DACH1: variants seen among roughly 807,000 people sequenced by gnomAD.
DACH1 encodes dachshund family transcription factor 1.
In DACH1, 12 loss-of-function variants were observed where a neutral mutation model predicts 54.2. That is an observed-to-expected ratio of 0.22 (90% CI 0.14 to 0.36). The LOEUF (loss-of-function observed/expected upper bound fraction) is 0.36, where lower values mean the gene tolerates loss of function less well. Ranked by LOEUF, DACH1 falls within the 10% of genes least tolerant of loss-of-function variation. The pLI is 1.00. For missense variants in DACH1, 805 were observed against 929.8 expected, an observed-to-expected ratio of 0.87 and a Z score of 1.75; for synonymous variants, 386 against 366.2, an observed-to-expected ratio of 1.05 and a Z score of -0.62.
chr13:71,779,565 A>G (rs556932229), intron 1 of DACH1, among the ~76,000 whole-genome samples: 72 of 152,160 alleles, frequency 4.7e-4, no homozygotes, highest in Non-Finnish European at 9.4e-4. Context: ...ATTTAATAAA[A>G]TGAGTGACTT....
intron 3 of DACH1, among the ~76,000 whole-genome samples, chr13:71,581,409 A>G (rs1872841940): frequency 6.6e-6 from 1 of 152,028 alleles, no homozygotes; most frequent in Admixed American, 6.6e-5. Context: ...ACTACAGCAC[A>G]CGCCACCATG....
intron 1 of DACH1, among the ~76,000 whole-genome samples, chr13:71,727,438 G>T (rs185053903): frequency 4.6e-5 from 7 of 151,988 alleles, no homozygotes; most frequent in Middle Eastern, 3.4e-3. Context: ...CTATTATTTC[G>T]CCTGTCTTCA....
chr13:71,493,675 AT>A (rs754644658), intron 6 of DACH1, among the ~76,000 whole-genome samples: 45 of 152,268 alleles, frequency 3.0e-4, no homozygotes, highest in African/African-American at 3.6e-4. Flanking sequence ...TTACAAAAAA[AT>A]ATCAGGTTAA....
intron 10 of DACH1, among the ~76,000 whole-genome samples, chr13:71,449,686 T>C (rs1391850738): frequency 1.3e-5 from 2 of 152,150 alleles, no homozygotes; most frequent in Non-Finnish European, 2.9e-5. Context: ...GAGCTTAAAG[T>C]AAACGAATTT....
chr13:71,650,701 C>T (rs752212603), intron 2 of DACH1, among the ~76,000 whole-genome samples: 40 of 151,942 alleles, frequency 2.6e-4, no homozygotes, highest in Non-Finnish European at 3.7e-4. Context: ...TCTATTTTCC[C>T]GAATTCTAAT....
At chr13:71,732,615 G>A (rs914803481) in intron 1 of DACH1, among the ~76,000 whole-genome samples, 1 of 150,732 alleles carries the variant, frequency 6.6e-6, no homozygotes, top group African/African-American at 2.4e-5. Context: ...TCACCAATTG[G>A]GTCCCTCTTC....
chr13:71,581,079 T>C (rs1438701505), intron 3 of DACH1, among the ~76,000 whole-genome samples: 1 of 150,396 alleles, frequency 6.6e-6, no homozygotes, highest in Non-Finnish European at 1.5e-5. Context: ...CAGAAATAAA[T>C]AAGGTAAGAC....
At chr13:71,563,479 A>G (rs995080748) in intron 4 of DACH1, among the ~76,000 whole-genome samples, 1 of 151,960 alleles carries the variant, frequency 6.6e-6, no homozygotes, top group African/African-American at 2.4e-5. Context: ...TCTGGAAACA[A>G]TTATTATGCC....
At chr13:71,496,315 A>AC (rs1436757043) in intron 6 of DACH1, among the ~76,000 whole-genome samples, 66 of 135,478 alleles carry the variant, frequency 4.9e-4, no homozygotes, top group Middle Eastern at 4.1e-3. Flanking sequence ...ATACACACAC[A>AC]AAAAGATATG....
intron 6 of DACH1, among the ~76,000 whole-genome samples, chr13:71,513,787 T>G (rs1880959720): frequency 6.6e-6 from 1 of 152,058 alleles, no homozygotes; most frequent in Non-Finnish European, 1.5e-5. Context: ...AGAAAGTATT[T>G]ACAGTCTCAA....
chr13:71,526,328 A>G (rs1318976087), intron 6 of DACH1, among the ~76,000 whole-genome samples: 1 of 152,144 alleles, frequency 6.6e-6, no homozygotes, highest in Non-Finnish European at 1.5e-5. Flanking sequence ...AAGCATTTGA[A>G]TAAACATGTA....
intron 1 of DACH1, among the ~76,000 whole-genome samples, chr13:71,848,680 G>C (rs9572802): frequency 0.079 from 12,057 of 151,806 alleles, 1,301 homozygotes; most frequent in East Asian, 0.56. Flanking sequence ...AAGTAGCCTG[G>C]CTAATTAAAA....
chr13:71,796,725 T>C (rs542193943), intron 1 of DACH1, among the ~76,000 whole-genome samples: 2 of 152,082 alleles, frequency 1.3e-5, no homozygotes, highest in African/African-American at 2.4e-5. Flanking sequence ...ACACTTTGTA[T>C]AAAAGACAAG....
rs149748171 is a variant in DACH1, at chr13:71,848,146, T to C, written c.848+17776A>G. ...TTCAATAATACCCGCTTTAATTTTC[T>C]ATAGAATCTCCTGTTTTCATAGAGT... On this transcript the variant is annotated intron_variant, in intron 1 of 10. Transcript: ENST00000613252. Among the ~76,000 whole-genome samples, 16 of 152,280 alleles carry C rather than the reference T, an allele frequency of 1.1e-4. No individual in the cohort carries two copies. In the East Asian group the frequency reaches 2.9e-3, roughly 28 times the overall value.
chr13:71,558,338 C>A (rs1381867277), intron 5 of DACH1, among the ~76,000 whole-genome samples: 1 of 151,754 alleles, frequency 6.6e-6, no homozygotes, highest in Non-Finnish European at 1.5e-5. Context: ...CATATATGTA[C>A]ATATATATGT....
intron 6 of DACH1, among the ~76,000 whole-genome samples, chr13:71,535,039 T>C (rs188143955): frequency 1.3e-5 from 2 of 150,496 alleles, no homozygotes; most frequent in East Asian, 3.9e-4. Flanking sequence ...CCCAGAATAA[T>C]AACTTAACAA....
chr13:71,671,765 T>TCC (rs1880221567), intron 2 of DACH1, among the ~76,000 whole-genome samples: 1 of 152,132 alleles, frequency 6.6e-6, no homozygotes, highest in Admixed American at 6.5e-5. Flanking sequence ...CAACTTTTCA[T>TCC]CCCAGTTTTC....
At chr13:71,763,675 T>C (rs1322878293) in intron 1 of DACH1, among the ~76,000 whole-genome samples, 1 of 152,224 alleles carries the variant, frequency 6.6e-6, no homozygotes, top group East Asian at 1.9e-4. Context: ...CTAATCTTAA[T>C]GTGAGACTCT....
intron 3 of DACH1, among the ~76,000 whole-genome samples, chr13:71,622,509 G>T (rs1876321043): frequency 6.6e-6 from 1 of 151,728 alleles, no homozygotes; most frequent in Non-Finnish European, 1.5e-5. Context: ...AAGAAAAAAA[G>T]AATTGTCTGA....
Sources: gnomAD v4.1 joint callset for allele counts (sites outside exome capture counted in the v4.1 genomes callset) on GRCh38, gnomAD v4.1.1 for gene constraint, MANE v1.5 for transcripts, NCBI Gene and HGNC (gene_info 2026-07-23, HGNC 2026-07-21) for gene names.